SGCZ: variants seen among roughly 807,000 people sequenced by gnomAD.
SGCZ encodes sarcoglycan zeta, also known as zeta-sarcoglycan.
In SGCZ, 40 loss-of-function variants were observed where a neutral mutation model predicts 41.3. The ratio of observed to expected loss-of-function variants is 0.97; its 90% confidence interval spans 0.75 to 1.26. SGCZ has a LOEUF of 1.26. SGCZ is among the 50% of genes most tolerant of loss of function. SGCZ has a pLI of 0.00. For missense variants in SGCZ, 552 were observed against 369.8 expected (o/e 1.49, Z -4.04); for synonymous variants, 206 against 137.5 (o/e 1.50, Z -3.49).
chr8:14,592,641 A>T (rs939783621), intron 1 of SGCZ, among the ~76,000 whole-genome samples: 1 of 152,196 alleles, frequency 6.6e-6, no homozygotes, highest in East Asian at 1.9e-4. Flanking sequence ...CTTTTAAGCA[A>T]AACAAATCAG....
At chr8:15,165,813 T>A (rs1356586628) in intron 1 of SGCZ, among the ~76,000 whole-genome samples, 2 of 152,188 alleles carry the variant, frequency 1.3e-5, no homozygotes, top group Non-Finnish European at 1.5e-5. Context: ...AAATTAATCT[T>A]GCAGAAGAGC....
intron 2 of SGCZ, among the ~76,000 whole-genome samples, chr8:14,474,275 A>C (rs1363792731): frequency 2.0e-5 from 3 of 152,238 alleles, no homozygotes; most frequent in Admixed American, 2.0e-4. Context: ...ATACCAAATG[A>C]TATGCATATG....
At position 14,772,074 on chromosome 8, in the gene SGCZ, T is replaced by C. The variant is rs1165434131; in HGVS notation, c.40-217148A>G. Among the ~76,000 whole-genome samples the C allele has an allele frequency of 2.0e-5, 3 of 152,076 alleles. No homozygotes were observed. In the East Asian group the frequency reaches 5.8e-4, roughly 29 times the overall value. ...TTTGAGCATCCATAGAACCATTCTGTTTTTCACTTTCAATATAGTATTCAA... is the reference window on the plus strand; with the variant it reads ...TTTGAGCATCCATAGAACCATTCTGCTTTTCACTTTCAATATAGTATTCAA... On this transcript the variant is annotated intron_variant, in intron 1 of 7. Transcript: ENST00000382080.
In SGCZ at chr8:14,423,753, C is replaced by G. The variant is rs1046126114; in HGVS notation, c.235-99549G>C. Among the ~76,000 whole-genome samples the G allele has an allele frequency of 2.6e-5, 4 of 152,076 alleles. No homozygotes were observed. In the East Asian group the frequency reaches 7.7e-4, roughly 29 times the overall value. On this transcript the variant is annotated intron_variant, in intron 2 of 7. Coordinates refer to ENST00000382080, the MANE Select transcript of SGCZ (RefSeq NM_139167.4). ...CATTTTGCTTCTCTTAATTTTCTGT[C>G]CTTTCTTCCTTCCTTCCGTCCCCCC...
At chr8:15,150,242 A>C (rs36065000) in intron 1 of SGCZ, among the ~76,000 whole-genome samples, 79,695 of 151,710 alleles carry the variant, frequency 0.53, 24,540 homozygotes, top group East Asian at 0.67. Flanking sequence ...AATATGTTTG[A>C]TAAAAATGAA....
intron 1 of SGCZ, among the ~76,000 whole-genome samples, chr8:14,609,856 G>C (rs1805869849): frequency 6.6e-6 from 1 of 152,172 alleles, no homozygotes; most frequent in Non-Finnish European, 1.5e-5. Context: ...ATGTGAAGCA[G>C]AGTTATCTAT....
At chr8:14,978,985 G>C (rs1285565754) in intron 1 of SGCZ, among the ~76,000 whole-genome samples, 1 of 152,038 alleles carries the variant, frequency 6.6e-6, no homozygotes, top group African/African-American at 2.4e-5. Context: ...TTTTGATACA[G>C]ACTGGGTTTT....
intron 1 of SGCZ, among the ~76,000 whole-genome samples, chr8:14,966,815 C>T (rs1483608780): frequency 6.6e-6 from 1 of 151,928 alleles, no homozygotes; most frequent in Admixed American, 6.6e-5. Context: ...AGCAATATTT[C>T]AATAGAATAT....
At chr8:14,210,005 G>GAGTA (rs1261503078) in intron 4 of SGCZ, among the ~76,000 whole-genome samples, 2 of 11,434 alleles carry the variant, frequency 1.7e-4, no homozygotes, top group African/African-American at 2.5e-3. Context: ...AAAGCCTTCA[G>GAGTA]ATTCTTATGT....
At chr8:14,562,073 G>A (rs962623741) in intron 1 of SGCZ, among the ~76,000 whole-genome samples, 4 of 152,082 alleles carry the variant, frequency 2.6e-5, no homozygotes, top group African/African-American at 4.8e-5. Flanking sequence ...GACTTCTACT[G>A]ATCTGGATGG....
Position 15,001,572 on chromosome 8 carries a change from GC to G in SGCZ, c.39+236012del, listed in dbSNP as rs555283760. Among the ~76,000 whole-genome samples the G allele has an allele frequency of 5.3e-5, 8 of 151,782 alleles. No homozygotes were observed. In the South Asian group the frequency reaches 1.7e-3, roughly 32 times the overall value. On this transcript the variant is annotated intron_variant, in intron 1 of 7. Coordinates refer to ENST00000382080, the MANE Select transcript of SGCZ (RefSeq NM_139167.4). The stretch of plus-strand genomic sequence containing the variant: ...GTGAAACCCCATCTCTACTAAAAAT[GC>G]AAAAAATAAGCCGGACATGTTGGTG...
chr8:14,648,153 G>C (rs920967620), intron 1 of SGCZ, among the ~76,000 whole-genome samples: 1 of 151,948 alleles, frequency 6.6e-6, no homozygotes, highest in Non-Finnish European at 1.5e-5. Context: ...GGATGCTAAG[G>C]CTAACAATTT....
intron 5 of SGCZ, among the ~76,000 whole-genome samples, chr8:14,132,717 C>T (rs1803079041): frequency 6.6e-6 from 1 of 152,010 alleles, no homozygotes; most frequent in South Asian, 2.1e-4. Context: ...TTTTAGTAGC[C>T]TTTTCATTTC....
chr8:14,532,206 C>G (rs562151235), intron 2 of SGCZ, among the ~76,000 whole-genome samples: 1 of 151,832 alleles, frequency 6.6e-6, no homozygotes, highest in African/African-American at 2.4e-5. Context: ...CAGATGTATC[C>G]AGATGATAGA....
intron 1 of SGCZ, among the ~76,000 whole-genome samples, chr8:14,834,025 C>G (rs1585303362): frequency 1.3e-5 from 2 of 152,022 alleles, no homozygotes; most frequent in African/African-American, 4.8e-5. Flanking sequence ...TAATTGTGTT[C>G]TATTTGGAAA....
chr8:14,375,131 C>A (rs577612650), intron 2 of SGCZ, among the ~76,000 whole-genome samples: 1 of 146,124 alleles, frequency 6.8e-6, no homozygotes, highest in Non-Finnish European at 1.5e-5. Flanking sequence ...GACAGACAGA[C>A]AGACAGACAG....
In SGCZ at chr8:14,464,401, G is replaced by A. The variant is rs868262138; in HGVS notation, c.234+90331C>T. Among the ~76,000 whole-genome samples, 3 of 150,572 alleles carry A rather than the reference G, an allele frequency of 2.0e-5. 1 individual carries two copies. The highest frequency in any genetic ancestry group is 4.2e-4 in the South Asian group (2 of 4,798). ...TCCAATTTTTAGTTCACAGTTGCAT[G>A]TAGGACTCTTATAATCCTTTTTATA... On this transcript the variant is annotated intron_variant, in intron 2 of 7. Coordinates refer to ENST00000382080, the MANE Select transcript of SGCZ (RefSeq NM_139167.4).
chr8:14,132,566 A>T (rs1803074899), intron 5 of SGCZ, among the ~76,000 whole-genome samples: 2 of 151,992 alleles, frequency 1.3e-5, no homozygotes, highest in Non-Finnish European at 2.9e-5. Context: ...TTTATACATT[A>T]TTTACTTCAT....
At chr8:15,032,275 G>C (rs1034547664) in intron 1 of SGCZ, among the ~76,000 whole-genome samples, 2 of 151,884 alleles carry the variant, frequency 1.3e-5, no homozygotes, top group African/African-American at 2.4e-5. Context: ...ACAGCACCTG[G>C]GTGTAGCAAA....
Sources: allele counts gnomAD v4.1 joint callset (sites outside exome capture counted in the v4.1 genomes callset), GRCh38; gene constraint gnomAD v4.1.1; transcripts MANE v1.5; gene names NCBI Gene and HGNC (gene_info 2026-07-23, HGNC 2026-07-21).